GRAMD1B: variants seen among roughly 807,000 people sequenced by gnomAD.
GRAMD1B encodes the protein protein Aster-B.
Under a neutral mutation model 99.7 loss-of-function variants are expected in GRAMD1B, and 37 were observed. The observed-to-expected ratio is 0.37, with a 90% CI of 0.29 to 0.49. GRAMD1B has a LOEUF of 0.49. Among genes scored for constraint, GRAMD1B ranks in the 20% least tolerant of loss-of-function variants. The probability of loss-of-function intolerance (pLI) is 0.98; values close to 1 mark genes in which losing one functional copy is unlikely to be tolerated. For missense variants in GRAMD1B, 888 were observed against 1,009.2 expected (o/e 0.88, Z 1.63); for synonymous variants, 427 against 387.6 (o/e 1.10, Z -1.19).
chr11:123,435,699 C>T (rs1050440416), intron 1 of GRAMD1B: 22 of 415,376 alleles, frequency 5.3e-5, no homozygotes, highest in Non-Finnish European at 9.4e-5. Flanking sequence ...ATAAATGATT[C>T]CTTTTTCTCT....
intron 2 of GRAMD1B, among the ~76,000 whole-genome samples, chr11:123,561,827 A>G (rs1946802879): frequency 6.6e-6 from 1 of 152,182 alleles, no homozygotes; most frequent in Non-Finnish European, 1.5e-5. Context: ...ACCAAGATGA[A>G]AAAAGCTGGC....
chr11:123,364,807 A>T (rs1946262746), intron 1 of GRAMD1B, among the ~76,000 whole-genome samples: 1 of 151,658 alleles, frequency 6.6e-6, no homozygotes, highest in Non-Finnish European at 1.5e-5. Flanking sequence ...AGGCTCCTCT[A>T]CTTGGGCCCT....
chr11:123,584,301 T>A lies in GRAMD1B; in HGVS notation c.664-11T>A. The A allele has an allele frequency of 9.6e-7, 1 of 1,044,820 alleles. No individual in the cohort carries two copies. The highest frequency in any genetic ancestry group is 1.4e-5 in the South Asian group (1 of 70,270). The allele number at this position is 1,044,820 out of a possible 1,614,324, so 64.7% of individuals were successfully genotyped here. The stretch of plus-strand genomic sequence containing the variant: ...ACTAATTCTACCTTCTCTTTCATTT[T>A]CTCTTTTCAGAAAAGCCAGAGTTGG... On this transcript the variant is annotated splice_polypyrimidine_tract_variant and intron_variant, in intron 3 of 19. Coordinates refer to ENST00000635736, the MANE Select transcript of GRAMD1B (RefSeq NM_001387025.1).
intron 1 of GRAMD1B, among the ~76,000 whole-genome samples, chr11:123,396,200 CTT>C (rs1178349485): frequency 5.4e-5 from 7 of 129,102 alleles, no homozygotes; most frequent in African/African-American, 1.7e-4. Context: ...CTTTTCTTTC[CTT>C]TTTTTTTTTT....
At chr11:123,393,350 G>A (rs1233596466) in intron 1 of GRAMD1B, among the ~76,000 whole-genome samples, 1 of 152,142 alleles carries the variant, frequency 6.6e-6, no homozygotes, top group East Asian at 1.9e-4. Flanking sequence ...CCAGAACATA[G>A]CAAGTTAAAA....
chr11:123,394,511 G>A (rs1324832225), intron 1 of GRAMD1B, among the ~76,000 whole-genome samples: 1 of 152,104 alleles, frequency 6.6e-6, no homozygotes, highest in Non-Finnish European at 1.5e-5. Context: ...AACCTCCATA[G>A]TACTTTTTAC....
chr11:123,597,584 A>C (rs1951439844), intron 7 of GRAMD1B, among the ~76,000 whole-genome samples: 1 of 151,926 alleles, frequency 6.6e-6, no homozygotes, highest in South Asian at 2.1e-4. Flanking sequence ...GAAAGAGCTC[A>C]GGTCAGATTT....
At chr11:123,602,374 T>A (rs1262444067) in intron 8 of GRAMD1B, among the ~76,000 whole-genome samples, 2 of 151,970 alleles carry the variant, frequency 1.3e-5, no homozygotes, top group African/African-American at 2.4e-5. Context: ...TTTATATTTT[T>A]AAATTTTTTT....
intron 8 of GRAMD1B, 146 bp from the exon 9 acceptor site, chr11:123,603,280 G>A (rs953340644): frequency 3.2e-6 from 2 of 625,946 alleles, no homozygotes; most frequent in Non-Finnish European, 5.8e-6. Flanking sequence ...CCCCAAGGCA[G>A]ATGGGGGTGG....
At chr11:123,559,989 T>C (rs1386422193) in intron 2 of GRAMD1B, among the ~76,000 whole-genome samples, 1 of 151,852 alleles carries the variant, frequency 6.6e-6, no homozygotes, top group African/African-American at 2.4e-5. Context: ...GGGAAATAAT[T>C]GGTGGCAGCG....
rs575969105 is a variant in GRAMD1B at position 123,625,369 on chromosome 11, A to G, written c.*2774A>G. The G allele has an allele frequency of 6.6e-6, 1 of 152,340 alleles. No homozygotes were observed. The highest frequency in any genetic ancestry group is 2.4e-5 in the African/African-American group (1 of 41,584). 9.4% of individuals were successfully genotyped at this position (152,340 alleles called of 1,614,324 possible). Reference sequence around the variant, plus strand: ...TAAAATGTTTGAGAGTTTGCACTCAATTTTAAAGAATTTGCAGTTTCTAAC... The same window carrying G: ...TAAAATGTTTGAGAGTTTGCACTCAGTTTTAAAGAATTTGCAGTTTCTAAC... On this transcript the variant is annotated 3_prime_UTR_variant, in exon 20 of 20. Transcript: ENST00000635736.
intron 4 of GRAMD1B, among the ~76,000 whole-genome samples, chr11:123,589,614 T>TATATATATATATATATATA (rs1555089174): frequency 9.4e-5 from 12 of 128,258 alleles, no homozygotes; most frequent in African/African-American, 3.2e-4. Flanking sequence ...TGGCTAATTT[T>TATATATATATATATATATA]TATATATATA....
intron 3 of GRAMD1B, among the ~76,000 whole-genome samples, chr11:123,582,734 G>A (rs1949505567): frequency 6.6e-6 from 1 of 152,126 alleles, no homozygotes. Flanking sequence ...TAGATCACAT[G>A]GCCACTGGTC....
At chr11:123,519,072 C>A (rs1487033304) in intron 2 of GRAMD1B, among the ~76,000 whole-genome samples, 1 of 152,204 alleles carries the variant, frequency 6.6e-6, no homozygotes, top group Non-Finnish European at 1.5e-5. Flanking sequence ...AGCCCTCTGG[C>A]CGGGTGCCTG....
At chr11:123,532,098 T>C (rs1246572534) in intron 2 of GRAMD1B, among the ~76,000 whole-genome samples, 2 of 152,232 alleles carry the variant, frequency 1.3e-5, no homozygotes, top group African/African-American at 4.8e-5. Context: ...TGAACTAAAC[T>C]GGGTTATGCC....
At chr11:123,584,626 G>A (rs1025756771) in intron 4 of GRAMD1B, among the ~76,000 whole-genome samples, 2 of 152,050 alleles carry the variant, frequency 1.3e-5, no homozygotes, top group African/African-American at 2.4e-5. Context: ...GTCAGGGAGG[G>A]AGTGGCCATT....
At chr11:123,431,194 C>T (rs1948868410) in intron 1 of GRAMD1B, 28 bp downstream of exon 1, 2 of 681,540 alleles carry the variant, frequency 2.9e-6, no homozygotes, top group Non-Finnish European at 2.7e-6. Flanking sequence ...CCGTCTCCTT[C>T]CCTTCCCTCC....
chr11:123,622,466 G>A (rs776421007), intron 19 of GRAMD1B, 40 bp from the exon 20 acceptor site: 1 of 1,254,898 alleles, frequency 8.0e-7, no homozygotes, highest in Non-Finnish European at 1.1e-6. Flanking sequence ...CCCACTAAAA[G>A]CGCAGACCCA....
chr11:123,478,351 C>T lies in GRAMD1B; in HGVS notation c.375-2465C>T, dbSNP rs563262781. 1.2e-4 allele frequency among the ~76,000 whole-genome samples: 19 copies of T among 152,340 alleles called. No individual in the cohort carries two copies. In the South Asian group the frequency reaches 3.9e-3, roughly 32 times the overall value. On this transcript the variant is annotated intron_variant, in intron 1 of 19. Transcript: ENST00000635736. ...CTTAACCATTGTCTTGATGATGCTT[C>T]GTGTACACATAGCGTGATGTGAATA...
Sources: allele counts gnomAD v4.1 joint callset (sites outside exome capture counted in the v4.1 genomes callset), GRCh38; gene constraint gnomAD v4.1.1; transcripts MANE v1.5; gene names NCBI Gene and HGNC (gene_info 2026-07-23, HGNC 2026-07-21).